Variants in RCAN2 observed in about 807,000 individuals in gnomAD.
The protein encoded by RCAN2 is regulator of calcineurin 2, also known as calcipressin-2.
In RCAN2, 9 loss-of-function variants were observed where a neutral mutation model predicts 23.6. That is an observed-to-expected ratio of 0.38 (90% confidence interval 0.23 to 0.67). The LOEUF is 0.67. Among genes scored for constraint, RCAN2 ranks in the 30% least tolerant of loss-of-function variants. The probability of loss-of-function intolerance (pLI) is 0.51; values close to 1 mark genes in which losing one functional copy is unlikely to be tolerated. For synonymous variants in RCAN2, 109 were observed against 115.7 expected (o/e 0.94, Z 0.37); for missense variants, 273 against 302.3 (o/e 0.90, Z 0.72).
intron 1 of RCAN2, among the ~76,000 whole-genome samples, chr6:46,489,009 G>C (rs1435626499): frequency 6.6e-6 from 1 of 152,092 alleles, no homozygotes; most frequent in Non-Finnish European, 1.5e-5. Flanking sequence ...TACCATTAAG[G>C]GCCACATGGT....
At chr6:46,259,051 T>C (rs1175138861) in intron 2 of RCAN2, among the ~76,000 whole-genome samples, 1 of 152,064 alleles carries the variant, frequency 6.6e-6, no homozygotes, top group Non-Finnish European at 1.5e-5. Context: ...CCTGGCACAG[T>C]GGTGCGCACC....
At chr6:46,277,818 A>G (rs1750796247) in intron 2 of RCAN2, among the ~76,000 whole-genome samples, 1 of 152,104 alleles carries the variant, frequency 6.6e-6, no homozygotes, top group African/African-American at 2.4e-5. Context: ...TACTCCTCCC[A>G]TGCCCTCACC....
chr6:46,293,989 T>C (rs1048213001), intron 2 of RCAN2, among the ~76,000 whole-genome samples: 3 of 152,184 alleles, frequency 2.0e-5, no homozygotes, highest in Non-Finnish European at 4.4e-5. Flanking sequence ...ACTGTATTTA[T>C]GTGCATCTTG....
intron 2 of RCAN2, among the ~76,000 whole-genome samples, chr6:46,342,821 T>C (rs1188205169): frequency 6.6e-6 from 1 of 151,982 alleles, no homozygotes; most frequent in Non-Finnish European, 1.5e-5. Flanking sequence ...GCTAGAATAA[T>C]GGATCAGAAT....
intron 2 of RCAN2, among the ~76,000 whole-genome samples, chr6:46,401,888 C>T (rs1766257161): frequency 1.3e-5 from 2 of 152,078 alleles, no homozygotes; most frequent in Admixed American, 6.6e-5. Flanking sequence ...TGATCAAGCC[C>T]CTGCAACAGG....
chr6:46,260,215 A>T (rs1242647993), intron 2 of RCAN2, among the ~76,000 whole-genome samples: 1 of 152,112 alleles, frequency 6.6e-6, no homozygotes, highest in Non-Finnish European at 1.5e-5. Context: ...GACACTTATC[A>T]CTGAGGAGAT....
chr6:46,379,061 C>G (rs1334741174), intron 2 of RCAN2, among the ~76,000 whole-genome samples: 2 of 152,110 alleles, frequency 1.3e-5, no homozygotes, highest in Non-Finnish European at 2.9e-5. Flanking sequence ...TTTGATATGA[C>G]TCATCAATCA....
At chr6:46,458,886 C>T (rs1214637091) in intron 1 of RCAN2, among the ~76,000 whole-genome samples, 4 of 115,086 alleles carry the variant, frequency 3.5e-5, no homozygotes, top group African/African-American at 1.3e-4. Context: ...TACAGGAAAA[C>T]GCGCGCGCAC....
At chr6:46,448,848 T>G (rs1767791423) in intron 2 of RCAN2, among the ~76,000 whole-genome samples, 2 of 151,824 alleles carry the variant, frequency 1.3e-5, no homozygotes, top group Admixed American at 1.3e-4. Flanking sequence ...AAAGGCCATA[T>G]ATAACAAACT....
chr6:46,234,009 G>T (rs930729159), intron 4 of RCAN2, among the ~76,000 whole-genome samples: 1 of 152,082 alleles, frequency 6.6e-6, no homozygotes, highest in Non-Finnish European at 1.5e-5. Flanking sequence ...GATTACAGGC[G>T]TGAGCCACCG....
rs114095150 is a variant in RCAN2, at chr6:46,382,981, G to C, written c.225+73771C>G. Among the ~76,000 whole-genome samples the C allele has an allele frequency of 3.4e-3, 513 of 152,266 alleles. 3 individuals are homozygous for C. The highest frequency in any genetic ancestry group is 0.012 in the African/African-American group (481 of 41,544). On this transcript the variant is annotated intron_variant, in intron 2 of 4. Transcript: ENST00000371374. ...AAAGAACCTATTATACACAATATTT[G>C]GTGCTAAGTGCTGTGTGGGCAAAGG...
In RCAN2 at chr6:46,246,801, G is replaced by T. The variant is rs1430922293; in HGVS notation, c.518C>A (p.Ala173Asp). 2 of 1,613,638 alleles carry T rather than the reference G, an allele frequency of 1.2e-6. No individual in the cohort carries two copies. The highest frequency in any genetic ancestry group is 1.7e-6 in the Non-Finnish European group (2 of 1,179,786). The change falls in exon 4 of 5, where the codon GCC becomes GAC. Residue 173 changes from alanine to aspartate, a missense_variant. Coordinates refer to ENST00000371374, the MANE Select transcript of RCAN2 (RefSeq NM_001251974.2). ...PPVGWQPIND[A>D]TPVLNYDLLY... Reference sequence around the variant, plus strand: ...GAGGTCATAGTTGAGGACTGGCGTGGCATCGTTGATGGGCTGCCAGCCAAC... The same window carrying T: ...GAGGTCATAGTTGAGGACTGGCGTGTCATCGTTGATGGGCTGCCAGCCAAC...
chr6:46,278,843 G>A (rs1767804240), intron 2 of RCAN2, among the ~76,000 whole-genome samples: 2 of 152,070 alleles, frequency 1.3e-5, no homozygotes, highest in Admixed American at 6.6e-5. Context: ...TCCATGTACT[G>A]GATGCTCATT....
chr6:46,321,541 T>C (rs761403925), intron 2 of RCAN2, among the ~76,000 whole-genome samples: 3 of 152,240 alleles, frequency 2.0e-5, no homozygotes, highest in African/African-American at 7.2e-5. Context: ...CCTACATGGA[T>C]GCCCATGGAG....
chr6:46,328,783 G>T (rs534093445), intron 2 of RCAN2, among the ~76,000 whole-genome samples: 1 of 152,256 alleles, frequency 6.6e-6, no homozygotes, highest in East Asian at 1.9e-4. Flanking sequence ...GCTAATTTTT[G>T]TATTTTTAGA....
intron 2 of RCAN2, among the ~76,000 whole-genome samples, chr6:46,278,380 C>T (rs1326041212): frequency 6.6e-6 from 1 of 151,270 alleles, no homozygotes; most frequent in African/African-American, 2.4e-5. Flanking sequence ...CCATCCTTTA[C>T]ACACACACAC....
chr6:46,399,187 C>G (rs1256858819), intron 2 of RCAN2, among the ~76,000 whole-genome samples: 3 of 151,910 alleles, frequency 2.0e-5, no homozygotes, highest in African/African-American at 7.2e-5. Context: ...ATTGATGCAG[C>G]TAGTAACAAA....
intron 2 of RCAN2, among the ~76,000 whole-genome samples, chr6:46,254,133 C>T (rs1766826217): frequency 6.6e-6 from 1 of 152,178 alleles, no homozygotes; most frequent in African/African-American, 2.4e-5. Context: ...GCTTTTGCAC[C>T]ATGGGTATAA....
chr6:46,487,030 A>G (rs1769010710), intron 1 of RCAN2, among the ~76,000 whole-genome samples: 1 of 152,232 alleles, frequency 6.6e-6, no homozygotes, highest in South Asian at 2.1e-4. Flanking sequence ...AACAGTGAAC[A>G]CTTTACAGGC....
Sources: gnomAD v4.1 joint callset for allele counts (sites outside exome capture counted in the v4.1 genomes callset) on GRCh38, gnomAD v4.1.1 for gene constraint, MANE v1.5 for transcripts, NCBI Gene and HGNC (gene_info 2026-07-23, HGNC 2026-07-21) for gene names.